Variants in IL1RAPL1 observed in about 807,000 individuals in gnomAD.
IL1RAPL1 encodes interleukin 1 receptor accessory protein like 1.
A neutral mutation model predicts 48.4 loss-of-function variants in IL1RAPL1; 3 were observed. The ratio of observed to expected loss-of-function variants is 0.06; its 90% CI spans 0.03 to 0.16. The LOEUF is 0.16. IL1RAPL1 is among the 10% of genes least tolerant of loss of function. The pLI, the probability that IL1RAPL1 is intolerant of heterozygous loss-of-function variation, is 1.00. For synonymous variants in IL1RAPL1, 185 were observed against 187.7 expected (o/e 0.99, Z 0.12); for missense variants, 349 against 530.6 (o/e 0.66, Z 3.36).
At chrX:29,133,244 T>C (rs1352799508) in intron 2 of IL1RAPL1, among the ~76,000 whole-genome samples, 1 of 111,678 alleles carries the variant, frequency 9.0e-6, no homozygotes, top group Non-Finnish European at 1.9e-5. Flanking sequence ...CTGATTCTAA[T>C]CATTATTTAT....
chrX:29,054,108 C>T (rs1216147059), intron 2 of IL1RAPL1, among the ~76,000 whole-genome samples: 1 of 111,094 alleles, frequency 9.0e-6, no homozygotes, highest in Non-Finnish European at 1.9e-5. Context: ...CTCTCCATCT[C>T]CCTTAGATCA....
intron 2 of IL1RAPL1, among the ~76,000 whole-genome samples, chrX:29,258,548 A>G (rs1316919076): frequency 1.8e-5 from 2 of 111,261 alleles, no homozygotes; most frequent in Non-Finnish European, 3.8e-5. Flanking sequence ...AGGGATCACT[A>G]CAAGATTTAC....
At chrX:29,133,361 G>C (rs1009008948) in intron 2 of IL1RAPL1, among the ~76,000 whole-genome samples, 3 of 112,186 alleles carry the variant, frequency 2.7e-5, no homozygotes, top group East Asian at 5.6e-4. Context: ...TTGCTTTCTT[G>C]CTCCAGATCA....
At chrX:29,900,551 A>G (rs946087438) in intron 6 of IL1RAPL1, among the ~76,000 whole-genome samples, 12 of 112,019 alleles carry the variant, frequency 1.1e-4, no homozygotes, top group African/African-American at 3.9e-4. Context: ...AACAGATACT[A>G]TTTACTATAT....
intron 3 of IL1RAPL1, among the ~76,000 whole-genome samples, chrX:29,361,201 G>T (rs1933371203): frequency 9.0e-6 from 1 of 111,702 alleles, no homozygotes; most frequent in South Asian, 3.7e-4. Flanking sequence ...GTAGAGTATA[G>T]AATCTAGCTC....
intron 2 of IL1RAPL1, among the ~76,000 whole-genome samples, chrX:29,013,386 A>T (rs186818319): frequency 1.4e-3 from 157 of 111,928 alleles, no homozygotes; most frequent in African/African-American, 5.0e-3. Flanking sequence ...AAAGAATATA[A>T]ATCATCCTGT....
chrX:29,947,317 A>G (rs1569210286), intron 9 of IL1RAPL1, among the ~76,000 whole-genome samples: 1 of 111,522 alleles, frequency 9.0e-6, no homozygotes, highest in African/African-American at 3.3e-5. Flanking sequence ...CAGAGTGTAA[A>G]ATGGTTTTTG....
intron 2 of IL1RAPL1, among the ~76,000 whole-genome samples, chrX:28,897,220 G>A (rs1313056956): frequency 3.6e-5 from 2 of 54,846 alleles, no homozygotes; most frequent in East Asian, 5.5e-4. Flanking sequence ...AGAAGGGGTC[G>A]GGGGGGTTCT....
At chrX:28,802,072 C>T (rs1282587468) in intron 2 of IL1RAPL1, among the ~76,000 whole-genome samples, 1 of 111,706 alleles carries the variant, frequency 9.0e-6, no homozygotes, top group African/African-American at 3.3e-5. Context: ...TAACTTTGTG[C>T]TATACAGTTT....
chrX:29,456,268 A>C (rs1934737396), intron 5 of IL1RAPL1, among the ~76,000 whole-genome samples: 1 of 112,081 alleles, frequency 8.9e-6, no homozygotes, highest in Admixed American at 9.5e-5. Flanking sequence ...GAAATGAAAG[A>C]GGTAAAGAGT....
chrX:28,977,887 C>T (rs1004779398), intron 2 of IL1RAPL1, among the ~76,000 whole-genome samples: 1 of 111,515 alleles, frequency 9.0e-6, no homozygotes, highest in South Asian at 3.8e-4. Context: ...AACCAGGACC[C>T]GGGGGGTGGA....
At chrX:29,541,905 G>T (rs1276254959) in intron 5 of IL1RAPL1, among the ~76,000 whole-genome samples, 1 of 110,700 alleles carries the variant, frequency 9.0e-6, no homozygotes, top group Non-Finnish European at 1.9e-5. Flanking sequence ...AAACCCACAC[G>T]TGTAGCCCCT....
At chrX:28,934,581 T>C (rs1923968590) in intron 2 of IL1RAPL1, among the ~76,000 whole-genome samples, 2 of 111,510 alleles carry the variant, frequency 1.8e-5, no homozygotes, top group African/African-American at 6.5e-5. Flanking sequence ...ACTAATTTAT[T>C]TCCTGTCTGT....
intron 2 of IL1RAPL1, among the ~76,000 whole-genome samples, chrX:28,921,210 ATGT>A (rs1356125977): frequency 1.8e-5 from 2 of 111,716 alleles, no homozygotes; most frequent in Non-Finnish European, 3.8e-5. Context: ...TAAAGACTAA[ATGT>A]GAATACTCAT....
At chrX:28,812,123 A>AG (rs1486880140) in intron 2 of IL1RAPL1, among the ~76,000 whole-genome samples, 3 of 111,197 alleles carry the variant, frequency 2.7e-5, no homozygotes, top group African/African-American at 9.8e-5. Flanking sequence ...TGAATTACAG[A>AG]GATCAGCAAC....
chrX:29,713,703 G>A (rs1462848453), intron 6 of IL1RAPL1, among the ~76,000 whole-genome samples: 6 of 111,262 alleles, frequency 5.4e-5, no homozygotes, highest in African/African-American at 2.0e-4. Context: ...GTTTACATAT[G>A]ATTTGTTTAG....
chrX:28,719,573 T>C (rs1031104637), intron 1 of IL1RAPL1, among the ~76,000 whole-genome samples: 1 of 110,697 alleles, frequency 9.0e-6, no homozygotes, highest in Non-Finnish European at 1.9e-5. Context: ...ATAAATATTA[T>C]AAATGGTCCT....
intron 1 of IL1RAPL1, among the ~76,000 whole-genome samples, chrX:28,681,190 G>A (rs1351277286): frequency 1.8e-5 from 2 of 110,951 alleles, no homozygotes; most frequent in African/African-American, 6.5e-5. Context: ...AGGTTATCTA[G>A]TTTTTTGACA....
At chrX:29,847,113 A>C (rs957234995) in intron 6 of IL1RAPL1, among the ~76,000 whole-genome samples, 2 of 111,955 alleles carry the variant, frequency 1.8e-5, no homozygotes, top group African/African-American at 6.5e-5. Flanking sequence ...GCACCTGCTA[A>C]ATTCATTTGA....
Sources: allele counts gnomAD v4.1 joint callset (sites outside exome capture counted in the v4.1 genomes callset), GRCh38; gene constraint gnomAD v4.1.1; transcripts MANE v1.5; gene names NCBI Gene and HGNC (gene_info 2026-07-23, HGNC 2026-07-21).